Variants in RPS6KC1 observed in about 807,000 individuals in gnomAD.
The protein encoded by RPS6KC1 is ribosomal protein S6 kinase C1.
Under a neutral mutation model 103.8 loss-of-function variants are expected in RPS6KC1, and 54 were observed. That is an observed-to-expected ratio of 0.52 (90% CI 0.42 to 0.65). The LOEUF (loss-of-function observed/expected upper bound fraction) is 0.65, where lower values mean the gene tolerates loss of function less well. Among genes scored for constraint, RPS6KC1 ranks in the 30% least tolerant of loss-of-function variants. RPS6KC1 has a pLI of 0.00. For synonymous variants in RPS6KC1, 439 were observed against 438.7 expected (o/e 1.00, Z -0.01); for missense variants, 1,151 against 1,253.8 (o/e 0.92, Z 1.24).
intron 6 of RPS6KC1, among the ~76,000 whole-genome samples, chr1:213,134,351 C>T (rs1473796612): frequency 6.6e-6 from 1 of 151,862 alleles, no homozygotes; most frequent in African/African-American, 2.4e-5. Flanking sequence ...TCCTCTCCTT[C>T]CCTTTTACCT....
intron 6 of RPS6KC1, among the ~76,000 whole-genome samples, chr1:213,151,351 C>A (rs1194198620): frequency 7.5e-6 from 1 of 133,752 alleles, no homozygotes; most frequent in African/African-American, 2.9e-5. Context: ...GGGGGCTAAC[C>A]CCCCCACCTC....
intron 6 of RPS6KC1, among the ~76,000 whole-genome samples, chr1:213,152,728 C>T (rs561991003): frequency 1.3e-3 from 199 of 152,028 alleles, no homozygotes; most frequent in African/African-American, 4.5e-3. Flanking sequence ...GGATGGCGGC[C>T]GGGCGGAGAC....
the RPS6KC1 span, among the ~76,000 whole-genome samples, chr1:213,328,317 T>C: frequency 1.3e-5 from 2 of 152,056 alleles, no homozygotes; most frequent in Non-Finnish European, 2.9e-5. Context: ...CAACGCTTCC[T>C]GGAGGCTAAA....
the RPS6KC1 span, among the ~76,000 whole-genome samples, chr1:213,801,148 G>A: frequency 6.6e-6 from 1 of 152,082 alleles, no homozygotes; most frequent in Non-Finnish European, 1.5e-5. Flanking sequence ...CTGTCATTTT[G>A]TCATCTTAGT....
the RPS6KC1 span, among the ~76,000 whole-genome samples, chr1:213,284,176 A>C: frequency 6.6e-6 from 1 of 152,226 alleles, no homozygotes; most frequent in Non-Finnish European, 1.5e-5. Flanking sequence ...AAAAAATTAG[A>C]AATTAAAGAA....
chr1:213,381,960 G>GCAT, the RPS6KC1 span, among the ~76,000 whole-genome samples: 1 of 152,184 alleles, frequency 6.6e-6, no homozygotes, highest in Admixed American at 6.5e-5. Flanking sequence ...GACTGGTTTT[G>GCAT]CATCAGTCAG....
At chr1:213,672,405 C>T in the RPS6KC1 span, among the ~76,000 whole-genome samples, 1 of 150,714 alleles carries the variant, frequency 6.6e-6, no homozygotes, top group Non-Finnish European at 1.5e-5. Flanking sequence ...TGAAACTTCT[C>T]TTGAAAAAAT....
At chr1:213,337,328 G>A in the RPS6KC1 span, among the ~76,000 whole-genome samples, 1 of 152,320 alleles carries the variant, frequency 6.6e-6, no homozygotes, top group East Asian at 1.9e-4. Context: ...CAGAAGACCT[G>A]TATTTCAATC....
the RPS6KC1 span, among the ~76,000 whole-genome samples, chr1:213,465,037 G>A: frequency 7.2e-5 from 11 of 152,184 alleles, no homozygotes; most frequent in South Asian, 2.3e-3. Context: ...GACTGGTTGA[G>A]GGGTACAAAG....
At chr1:213,781,166 T>C in the RPS6KC1 span, among the ~76,000 whole-genome samples, 12 of 152,196 alleles carry the variant, frequency 7.9e-5, no homozygotes, top group Non-Finnish European at 1.3e-4. Context: ...CCTATCACAA[T>C]AACGTAAAGG....
At chr1:213,829,131 G>A in the RPS6KC1 span, among the ~76,000 whole-genome samples, 1 of 152,002 alleles carries the variant, frequency 6.6e-6, no homozygotes, top group African/African-American at 2.4e-5. Flanking sequence ...ACAATTTAGG[G>A]ACTATCCATT....
the RPS6KC1 span, among the ~76,000 whole-genome samples, chr1:213,858,594 T>A: frequency 6.6e-6 from 1 of 152,156 alleles, no homozygotes; most frequent in Admixed American, 6.5e-5. Flanking sequence ...CAGTTGGAAA[T>A]GACTAACAGG....
At chr1:213,526,634 C>G in the RPS6KC1 span, among the ~76,000 whole-genome samples, 1 of 152,152 alleles carries the variant, frequency 6.6e-6, no homozygotes, top group Non-Finnish European at 1.5e-5. Flanking sequence ...GATCCAAAAT[C>G]TGGGTTTCAG....
chr1:213,520,310 G>A, the RPS6KC1 span, among the ~76,000 whole-genome samples: 1 of 152,170 alleles, frequency 6.6e-6, no homozygotes, highest in Non-Finnish European at 1.5e-5. Context: ...AAGAGAGAAT[G>A]AGAGCCAAGC....
the RPS6KC1 span, among the ~76,000 whole-genome samples, chr1:213,721,320 A>G: frequency 6.6e-6 from 1 of 152,180 alleles, no homozygotes; most frequent in Non-Finnish European, 1.5e-5. Context: ...CATAATTCCC[A>G]TGTGTTGTGG....
At chr1:213,681,740 G>C in the RPS6KC1 span, among the ~76,000 whole-genome samples, 1 of 152,170 alleles carries the variant, frequency 6.6e-6, no homozygotes. Context: ...TGAGGTTACA[G>C]TGAGCTTTGA....
the RPS6KC1 span, among the ~76,000 whole-genome samples, chr1:213,770,554 A>T: frequency 6.6e-6 from 1 of 152,226 alleles, no homozygotes. Flanking sequence ...AAGGTATGTT[A>T]TGCCCATTAC....
At chr1:213,846,128 TAAAAAAAA>T in the RPS6KC1 span, among the ~76,000 whole-genome samples, 2 of 82,852 alleles carry the variant, frequency 2.4e-5, no homozygotes, top group Admixed American at 1.3e-4. Flanking sequence ...CCGTCTCAAC[TAAAAAAAA>T]AAAAAAAAAA....
chr1:213,137,799 A>ATATATATATTTTTTT (rs1572765998), intron 6 of RPS6KC1, among the ~76,000 whole-genome samples: 1 of 13,986 alleles, frequency 7.2e-5, no homozygotes, highest in Non-Finnish European at 1.6e-4. Context: ...ATATATATAT[A>ATATATATATTTTTTT]TTTTTTTTTT....
Sources: allele counts gnomAD v4.1 joint callset (sites outside exome capture counted in the v4.1 genomes callset), GRCh38; gene constraint gnomAD v4.1.1; transcripts MANE v1.5; gene names NCBI Gene and HGNC (gene_info 2026-07-23, HGNC 2026-07-21).